The following MED27 variants were observed in gnomAD, a reference collection of about 807,000 sequenced individuals.
MED27 encodes the protein mediator complex subunit 27, also known as mediator of RNA polymerase II transcription subunit 27.
In MED27, 30 loss-of-function variants were observed where a neutral mutation model predicts 38.2. That is an observed-to-expected ratio of 0.79 (90% CI 0.59 to 1.07). The LOEUF (loss-of-function observed/expected upper bound fraction) is 1.07. Ranked by LOEUF, MED27 falls within the 50% of genes least tolerant of loss-of-function variation. The pLI is 0.00. For missense variants in MED27, 289 were observed against 397.5 expected, an observed-to-expected ratio of 0.73 and a Z score of 2.32; for synonymous variants, 122 against 153.5, an observed-to-expected ratio of 0.79 and a Z score of 1.52.
chr9:131,929,199 C>T (rs182283228), intron 4 of MED27, among the ~76,000 whole-genome samples: 15 of 152,306 alleles, frequency 9.8e-5, no homozygotes, highest in East Asian at 5.8e-4. Flanking sequence ...CCCTTGGGCC[C>T]GGAATAACCA....
rs535810645 is a variant in MED27 at position 131,890,814 on chromosome 9, G to T, written c.681+3071C>A. 2.0e-3 allele frequency among the ~76,000 whole-genome samples: 308 copies of T among 152,336 alleles called. 2 individuals carry two copies. The highest frequency in any genetic ancestry group is 0.017 in the Middle Eastern group (5 of 294). ...CTCAGTTTCTCCATGTGTAAGATGA[G>T]TCTAAGAGCAGCACCTGTCTCATGA... On this transcript the variant is annotated intron_variant, in intron 5 of 7. Coordinates refer to ENST00000292035, the MANE Select transcript of MED27 (RefSeq NM_004269.4).
intron 6 of MED27, among the ~76,000 whole-genome samples, chr9:131,882,241 G>A (rs896958289): frequency 2.6e-5 from 4 of 152,100 alleles, no homozygotes; most frequent in African/African-American, 9.7e-5. Flanking sequence ...GGGGCCCAGG[G>A]GGCACTGTGG....
intron 3 of MED27, among the ~76,000 whole-genome samples, chr9:131,973,457 CTTTT>C (rs747946439): frequency 8.2e-6 from 1 of 122,172 alleles, no homozygotes; most frequent in Non-Finnish European, 1.7e-5. Context: ...TTTTTCTTTT[CTTTT>C]TTTTTTTTTT....
intron 2 of MED27, among the ~76,000 whole-genome samples, chr9:132,032,411 A>AT (rs1318634020): frequency 5.3e-5 from 8 of 151,684 alleles, no homozygotes; most frequent in South Asian, 2.1e-4. Flanking sequence ...CACACATTTG[A>AT]TTTTTTTTTC....
At chr9:132,052,476 A>G (rs150008057) in intron 2 of MED27, among the ~76,000 whole-genome samples, 186 of 152,272 alleles carry the variant, frequency 1.2e-3, no homozygotes, top group Admixed American at 2.1e-3. Context: ...GGGAAAAAAA[A>G]TCTCTCTGCA....
intron 2 of MED27, among the ~76,000 whole-genome samples, chr9:132,033,483 T>C (rs1480336837): frequency 6.6e-6 from 1 of 152,218 alleles, no homozygotes; most frequent in Non-Finnish European, 1.5e-5. Flanking sequence ...ATTTAGAGTC[T>C]TGTGAAGTAC....
chr9:131,916,658 C>T (rs1365000509), intron 4 of MED27, among the ~76,000 whole-genome samples: 1 of 152,182 alleles, frequency 6.6e-6, no homozygotes, highest in African/African-American at 2.4e-5. Flanking sequence ...GTGAAGCTCC[C>T]TGTATCTAGT....
intron 1 of MED27, among the ~76,000 whole-genome samples, chr9:132,078,041 A>G (rs1042176573): frequency 1.3e-5 from 2 of 152,254 alleles, no homozygotes; most frequent in Non-Finnish European, 1.5e-5. Flanking sequence ...AGATTTGTAC[A>G]TGATGCTTCA....
chr9:131,893,835 G>T, intron 5 of MED27, 50 bp downstream of exon 5: 2 of 1,336,806 alleles, frequency 1.5e-6, no homozygotes, highest in Non-Finnish European at 2.1e-6. Flanking sequence ...GACTACACTT[G>T]TTCTGGGATA....
chr9:131,987,284 G>C (rs1761382805), intron 3 of MED27, among the ~76,000 whole-genome samples: 1 of 152,100 alleles, frequency 6.6e-6, no homozygotes, highest in Admixed American at 6.5e-5. Context: ...TGAACAGGAA[G>C]ATTTCAGAAT....
chr9:131,864,387 A>G (rs1838701016), intron 6 of MED27, among the ~76,000 whole-genome samples: 1 of 152,070 alleles, frequency 6.6e-6, no homozygotes, highest in Admixed American at 6.6e-5. Flanking sequence ...GGAGGCTGAG[A>G]TGGGAGGATC....
intron 3 of MED27, among the ~76,000 whole-genome samples, chr9:131,962,387 C>T (rs1831235825): frequency 6.6e-6 from 1 of 152,196 alleles, no homozygotes; most frequent in African/African-American, 2.4e-5. Flanking sequence ...CAGGCATGTG[C>T]CACCACACCC....
chr9:131,946,910 A>T (rs1830896955), intron 3 of MED27, among the ~76,000 whole-genome samples: 1 of 152,070 alleles, frequency 6.6e-6, no homozygotes, highest in Non-Finnish European at 1.5e-5. Flanking sequence ...AGTGTACCCC[A>T]TTTTATCTCT....
chr9:132,063,321 G>A (rs544786359), intron 2 of MED27, among the ~76,000 whole-genome samples: 4 of 152,270 alleles, frequency 2.6e-5, no homozygotes, highest in East Asian at 1.9e-4. Flanking sequence ...AAAGCAGTAC[G>A]TACCCATCAC....
intron 2 of MED27, among the ~76,000 whole-genome samples, chr9:132,048,046 C>T (rs1308071187): frequency 6.6e-6 from 1 of 152,158 alleles, no homozygotes; most frequent in Non-Finnish European, 1.5e-5. Flanking sequence ...AAAACTGCAA[C>T]CTCAGGTATA....
chr9:132,002,772 T>C (rs996116202), intron 3 of MED27, among the ~76,000 whole-genome samples: 5 of 151,696 alleles, frequency 3.3e-5, no homozygotes, highest in African/African-American at 1.2e-4. Flanking sequence ...AAAATTGTCC[T>C]GGTGCGGTGG....
At chr9:131,953,161 G>A (rs1266854305) in intron 3 of MED27, among the ~76,000 whole-genome samples, 1 of 152,212 alleles carries the variant, frequency 6.6e-6, no homozygotes, top group African/African-American at 2.4e-5. Context: ...GATGCGGCTA[G>A]TTTAGAAATT....
intron 3 of MED27, among the ~76,000 whole-genome samples, chr9:131,958,348 C>A (rs1335280802): frequency 2.6e-5 from 4 of 151,688 alleles, no homozygotes; most frequent in Admixed American, 6.6e-5. Flanking sequence ...CGAGTTCTAG[C>A]GATTCTCCTG....
At chr9:131,941,689 T>C (rs781597366) in intron 3 of MED27, among the ~76,000 whole-genome samples, 2 of 152,056 alleles carry the variant, frequency 1.3e-5, no homozygotes, top group Non-Finnish European at 2.9e-5. Flanking sequence ...ATGGCTTTCA[T>C]GATCTCAGTA....
Sources: gnomAD v4.1 joint callset for allele counts (sites outside exome capture counted in the v4.1 genomes callset) on GRCh38, gnomAD v4.1.1 for gene constraint, MANE v1.5 for transcripts, NCBI Gene and HGNC (gene_info 2026-07-23, HGNC 2026-07-21) for gene names.